CACNA2D1: variants seen among roughly 807,000 people sequenced by gnomAD.
CACNA2D1 encodes calcium voltage-gated channel auxiliary subunit alpha2delta 1.
CACNA2D1 carries 53 observed loss-of-function variants against 171.5 expected under a neutral mutation model. The ratio of observed to expected loss-of-function variants is 0.31; its 90% confidence interval spans 0.25 to 0.39. CACNA2D1 has a LOEUF of 0.39. CACNA2D1 is among the 10% of genes least tolerant of loss of function. The probability of loss-of-function intolerance (pLI) is 1.00; values close to 1 mark genes in which losing one functional copy is unlikely to be tolerated. For missense variants in CACNA2D1, 903 were observed against 1,299.8 expected (o/e 0.69, Z 4.69); for synonymous variants, 442 against 443.1 (o/e 1.00, Z 0.03).
Position 82,043,094 on chromosome 7 carries a change from C to T in CACNA2D1, c.880-4859G>A, listed in dbSNP as rs75566415. 3.2e-4 allele frequency among the ~76,000 whole-genome samples: 49 copies of T among 152,110 alleles called. 2 individuals are homozygous for T. In the East Asian group the frequency reaches 9.5e-3, roughly 29 times the overall value. On this transcript the variant is annotated intron_variant, in intron 10 of 38. Coordinates refer to ENST00000356860, the MANE Select transcript of CACNA2D1 (RefSeq NM_000722.4). ...TGTGGACTTTAAGAAAATTAGAAGC[C>T]AGTATAAAATGTTGATCAATAATCA... is the stretch of plus-strand genomic sequence containing the variant.
chr7:82,365,287 T>C (rs1469430182), intron 1 of CACNA2D1, among the ~76,000 whole-genome samples: 1 of 152,240 alleles, frequency 6.6e-6, no homozygotes, highest in African/African-American at 2.4e-5. Flanking sequence ...TGCACTACTG[T>C]TCAAATATTC....
At chr7:82,003,720 T>A (rs1403087864) in intron 18 of CACNA2D1, among the ~76,000 whole-genome samples, 3 of 150,914 alleles carry the variant, frequency 2.0e-5, no homozygotes, top group Non-Finnish European at 4.4e-5. Context: ...AAAGTAGAGA[T>A]CCTTCACACC....
At chr7:82,295,061 G>C (rs1342256990) in intron 3 of CACNA2D1, among the ~76,000 whole-genome samples, 3 of 152,094 alleles carry the variant, frequency 2.0e-5, no homozygotes, top group Non-Finnish European at 4.4e-5. Context: ...AATCTTTCAG[G>C]AAAGGAAGTG....
intron 4 of CACNA2D1, among the ~76,000 whole-genome samples, chr7:82,137,633 A>G (rs1791791183): frequency 6.8e-6 from 1 of 147,916 alleles, no homozygotes; most frequent in South Asian, 2.2e-4. Context: ...GCACTTCGGG[A>G]GGCCGAGGTG....
chr7:82,026,190 C>T (rs1180516310), intron 12 of CACNA2D1, among the ~76,000 whole-genome samples: 1 of 151,400 alleles, frequency 6.6e-6, no homozygotes, highest in East Asian at 1.9e-4. Flanking sequence ...CTAAAGTGAA[C>T]TTCTGATAGG....
intron 3 of CACNA2D1, among the ~76,000 whole-genome samples, chr7:82,312,038 A>G (rs1814529142): frequency 6.6e-6 from 1 of 152,196 alleles, no homozygotes; most frequent in Non-Finnish European, 1.5e-5. Context: ...TCTAAACCTT[A>G]AGTGATTTTC....
intron 1 of CACNA2D1, among the ~76,000 whole-genome samples, chr7:82,438,607 G>A (rs1376887086): frequency 2.0e-5 from 3 of 152,100 alleles, no homozygotes; most frequent in Non-Finnish European, 2.9e-5. Flanking sequence ...CTACATGGTT[G>A]GCCATCACAG....
At chr7:82,443,274 C>G (rs1830647849) in intron 1 of CACNA2D1, 91 bp downstream of exon 1, 2 of 1,295,522 alleles carry the variant, frequency 1.5e-6, no homozygotes, top group East Asian at 2.9e-5. Context: ...CCCCCACGGG[C>G]GGAAAAGCCC....
intron 4 of CACNA2D1, among the ~76,000 whole-genome samples, 173 bp from the exon 5 acceptor site, chr7:82,136,849 G>A (rs938514864): frequency 1.2e-4 from 18 of 152,124 alleles, no homozygotes; most frequent in Non-Finnish European, 1.0e-4. Context: ...TATTAAAACC[G>A]TTTATCAGTG....
chr7:82,432,447 G>A (rs934836463), intron 1 of CACNA2D1, among the ~76,000 whole-genome samples: 3 of 152,234 alleles, frequency 2.0e-5, no homozygotes, highest in Non-Finnish European at 4.4e-5. Context: ...ACCTTCAAGA[G>A]ACCTGGGATG....
chr7:82,110,407 C>G (rs1382590886), intron 6 of CACNA2D1, among the ~76,000 whole-genome samples: 1 of 152,144 alleles, frequency 6.6e-6, no homozygotes, highest in African/African-American at 2.4e-5. Flanking sequence ...ACTGAGAAGA[C>G]CCAGGAAGAA....
chr7:82,016,540 C>G (rs1055437193), intron 12 of CACNA2D1, among the ~76,000 whole-genome samples: 2 of 151,252 alleles, frequency 1.3e-5, no homozygotes, highest in African/African-American at 4.9e-5. Context: ...CGAGGCTACA[C>G]TCAGATCCAC....
intron 4 of CACNA2D1, among the ~76,000 whole-genome samples, chr7:82,148,640 G>GT (rs1408358101): frequency 1.3e-5 from 2 of 152,090 alleles, no homozygotes; most frequent in Admixed American, 1.3e-4. Context: ...GGACAACCTT[G>GT]TTTTTTGTTT....
rs1794244728 is a variant in CACNA2D1, at chr7:82,155,103, TC to T, written c.354+15446del. ...GCTCCCACCACAGGAGATGCCTTGC[TC>T]CCCCTTGCCTTCTGCCGTGATAGTA... On this transcript the variant is annotated intron_variant, in intron 4 of 38. Transcript: ENST00000356860. Among the ~76,000 whole-genome samples the T allele has an allele frequency of 2.0e-5, 3 of 152,158 alleles. No homozygotes were observed. In the South Asian group the frequency reaches 6.2e-4, roughly 32 times the overall value.
chr7:82,279,585 G>A (rs1217555914), intron 3 of CACNA2D1, among the ~76,000 whole-genome samples: 1 of 152,110 alleles, frequency 6.6e-6, no homozygotes, highest in Non-Finnish European at 1.5e-5. Context: ...TCTCAATGAA[G>A]ATAAATCTGT....
Position 82,018,683 on chromosome 7 carries a change from T to TAATA in CACNA2D1, c.1144-4208_1144-4205dup, listed in dbSNP as rs372487562. On this transcript the variant is annotated intron_variant, in intron 12 of 38. Transcript: ENST00000356860. ...GCAATAGTAATTTGGGGAGCAGACT[T>TAATA]AATAAAATTGAACTTAAATCCAGGT... is the stretch of plus-strand genomic sequence containing the variant. 3.9e-3 allele frequency among the ~76,000 whole-genome samples: 601 copies of TAATA among 152,178 alleles called. 6 individuals carry two copies. The highest frequency in any genetic ancestry group is 0.014 in the African/African-American group (576 of 41,526).
rs574660484 is a variant in CACNA2D1, at chr7:81,999,335, G to C, written c.1591-2085C>G. Among the ~76,000 whole-genome samples the C allele has an allele frequency of 9.2e-5, 14 of 152,224 alleles. No individual in the cohort carries two copies. In the South Asian group the frequency reaches 2.5e-3, roughly 27 times the overall value. ...AAAAGCATAATCTTTCAATAAGAAA[G>C]CACCAAGAGAGGCTGAAGAACTGGA... On this transcript the variant is annotated intron_variant, in intron 18 of 38. Coordinates refer to ENST00000356860, the MANE Select transcript of CACNA2D1 (RefSeq NM_000722.4).
chr7:82,324,819 G>A (rs1352223913), intron 3 of CACNA2D1, among the ~76,000 whole-genome samples: 11 of 152,046 alleles, frequency 7.2e-5, no homozygotes, highest in Admixed American at 5.2e-4. Context: ...AAAATAGAGC[G>A]TTTTTATATC....
At chr7:82,239,978 T>C (rs187896354) in intron 3 of CACNA2D1, among the ~76,000 whole-genome samples, 12 of 152,272 alleles carry the variant, frequency 7.9e-5, no homozygotes, top group Admixed American at 2.6e-4. Flanking sequence ...ACATTAAGTA[T>C]AAAGAAGCAA....
Sources: gnomAD v4.1 joint callset for allele counts (sites outside exome capture counted in the v4.1 genomes callset) on GRCh38, gnomAD v4.1.1 for gene constraint, MANE v1.5 for transcripts, NCBI Gene and HGNC (gene_info 2026-07-23, HGNC 2026-07-21) for gene names.